The following GGA2 variants were observed in gnomAD, a reference collection of about 807,000 sequenced individuals.
GGA2 encodes the protein ADP-ribosylation factor-binding protein GGA2.
Under a neutral mutation model 79.5 loss-of-function variants are expected in GGA2, and 48 were observed. That is an observed-to-expected ratio of 0.60 (90% confidence interval 0.48 to 0.77). The LOEUF (loss-of-function observed/expected upper bound fraction) is 0.77, where lower values mean the gene tolerates loss of function less well. GGA2 is among the 30% of genes least tolerant of loss of function. The probability of loss-of-function intolerance (pLI) is 0.00; values close to 1 mark genes in which losing one functional copy is unlikely to be tolerated. For synonymous variants in GGA2, 317 were observed against 302.0 expected (o/e 1.05, Z -0.51); for missense variants, 770 against 774.0 (o/e 0.99, Z 0.06).
Position 23,465,095 on chromosome 16 carries a change from C to G in GGA2, c.*2495G>C. 1 of 563,604 alleles carries G rather than the reference C, an allele frequency of 1.8e-6. No homozygotes were observed. Among genetic ancestry groups the G allele is most frequent in the South Asian group, 2.2e-5 (1 of 45,630 alleles). The allele number at this position is 563,604 out of a possible 1,614,324, so 34.9% of individuals were successfully genotyped here. Reference sequence around the variant, plus strand: ...ACACACATCATGAATTTGCTTCTCCCCAGAGGAAAAGAAGCTCCTTCAGGG... The same window carrying G: ...ACACACATCATGAATTTGCTTCTCCGCAGAGGAAAAGAAGCTCCTTCAGGG... On this transcript the variant is annotated 3_prime_UTR_variant, in exon 17 of 17. Transcript: ENST00000309859.
chr16:23,507,966 A>C (rs555197871), intron 1 of GGA2, among the ~76,000 whole-genome samples: 3 of 152,220 alleles, frequency 2.0e-5, no homozygotes, highest in Admixed American at 1.3e-4. Flanking sequence ...TTTCAAAAAA[A>C]GCTGGAGTTG....
At chr16:23,475,533 C>T (rs752637596) in intron 13 of GGA2, among the ~76,000 whole-genome samples, 1 of 151,956 alleles carries the variant, frequency 6.6e-6, no homozygotes, top group Non-Finnish European at 1.5e-5. Context: ...CCTCAGCTTC[C>T]TCATCTGTTA....
At chr16:23,507,038 T>C (rs897000362) in intron 1 of GGA2, among the ~76,000 whole-genome samples, 1 of 152,044 alleles carries the variant, frequency 6.6e-6, no homozygotes, top group African/African-American at 2.4e-5. Flanking sequence ...CCTCTCCTTC[T>C]AATAATCTCC....
chr16:23,515,797 C>CA (rs765242847), intron 2 of GGA2, among the ~76,000 whole-genome samples: 2 of 152,118 alleles, frequency 1.3e-5, no homozygotes, highest in Non-Finnish European at 2.9e-5. Context: ...CCTGGGTCTC[C>CA]AGCTTACACA....
chr16:23,475,271 C>T (rs1350334391), intron 13 of GGA2, among the ~76,000 whole-genome samples: 1 of 150,342 alleles, frequency 6.7e-6, no homozygotes. Context: ...CTCACTGCAA[C>T]CTCTGCCTCC....
rs1234534577 is a variant in GGA2 at position 23,521,792 on chromosome 16, C to T, written c.8+1G>A. 7 of 453,778 alleles carry T rather than the reference C, an allele frequency of 1.5e-5. No homozygotes were observed. The highest frequency in any genetic ancestry group is 3.1e-5 in the Non-Finnish European group (7 of 226,264). 28.1% of individuals were successfully genotyped at this position (453,778 alleles called of 1,614,324 possible). On this transcript the variant is annotated splice_donor_variant, in intron 1 of 5. Transcript: ENST00000569300. LOFTEE classifies it high-confidence loss of function. ...CCACTCACTTTGTTAAAAACACTCA[C>T]TTGACCATGAGCCAAGAAGCTCCTT...
At position 23,480,760 on chromosome 16, in the gene GGA2, G is replaced by C. The variant is rs1258533782; in HGVS notation, c.891C>G (p.Leu297=). 6.2e-7 allele frequency: 1 copy of C among 1,608,830 alleles called. No individual in the cohort carries two copies. Among genetic ancestry groups the C allele is most frequent in the Non-Finnish European group, 8.5e-7 (1 of 1,175,620 alleles). Residue 297 remains leucine (L), a synonymous_variant, in exon 10 of 17, where the codon CTC becomes CTG. Transcript: ENST00000309859. The part of the protein sequence containing the change: ...TDDDDALAEI[L]QANDLLTQGV... ...CTTGGGTGAGGAGGTCATTTGCCTG[G>C]AGAATTTCCGCTGAAGAATGAGGGA...
chr16:23,472,507 GT>G (rs895165168), intron 14 of GGA2, among the ~76,000 whole-genome samples: 2 of 150,764 alleles, frequency 1.3e-5, no homozygotes, highest in Non-Finnish European at 3.0e-5. Context: ...CTGTAGCCCT[GT>G]TTTTAACAGC....
intron 1 of GGA2, among the ~76,000 whole-genome samples, chr16:23,509,071 C>T (rs1425172015): frequency 2.0e-5 from 3 of 152,182 alleles, no homozygotes; most frequent in African/African-American, 7.2e-5. Flanking sequence ...TGCCTGAAGT[C>T]TCACCCTCTC....
chr16:23,476,759 GTA>G (rs1274696494), intron 13 of GGA2, among the ~76,000 whole-genome samples: 1 of 152,172 alleles, frequency 6.6e-6, no homozygotes, highest in Non-Finnish European at 1.5e-5. Flanking sequence ...GCACTTTGTT[GTA>G]TGTTTCTCCA....
intron 13 of GGA2, 110 bp from the exon 14 acceptor site, chr16:23,475,171 G>C (rs1451812619): frequency 2.8e-5 from 15 of 539,208 alleles, no homozygotes; most frequent in East Asian, 1.4e-4. Flanking sequence ...CACACACACA[G>C]AGTTAGATGT....
chr16:23,486,119 C>A lies in GGA2; in HGVS notation c.694G>T (p.Val232Phe), dbSNP rs1358127233. Residue 232 changes from valine to phenylalanine, a missense_variant, in exon 8 of 17, where the codon GTC (valine) becomes TTC (phenylalanine). Physicochemically the swap from Val to Phe is conservative, Grantham distance 50. Coordinates refer to ENST00000309859, the MANE Select transcript of GGA2 (RefSeq NM_015044.4). Reference protein sequence around the residue: ...QEKSEKVSKRVSAVEEVRSHV... With the variant: ...QEKSEKVSKRFSAVEEVRSHV... ...CTTCGCACTTCCTCCACCGCACTGA[C>A]CCTCTTGGACACCTTCTCCGATTTT... 1 of 1,613,738 alleles carries A rather than the reference C, an allele frequency of 6.2e-7. No individual in the cohort carries two copies. The highest frequency in any genetic ancestry group is 8.5e-7 in the Non-Finnish European group (1 of 1,179,730).
At chr16:23,493,979 T>C in intron 3 of GGA2, 1 of 378,180 alleles carries the variant, frequency 2.6e-6, no homozygotes, top group South Asian at 3.7e-5. Flanking sequence ...TGCCAACAGC[T>C]AGTGGGCCCT....
rs940386073 is a variant in GGA2, at chr16:23,510,360, C to T, written c.52G>A (p.Gly18Ser). 4.8e-5 allele frequency: 68 copies of T among 1,431,368 alleles called. No individual in the cohort carries two copies. In the African/African-American group the frequency reaches 9.3e-4, roughly 20 times the overall value. The allele number at this position is 1,431,368 out of a possible 1,614,324, so 88.7% of individuals were successfully genotyped here. ...AGCGACGCTGCCGGGCCCGGGGGAC[C>T]CTGGGCCGACTCGGTTCCCGCCACA... ...AAVAGTESAQGPPGPAASLEL... is the reference protein window; with the variant it reads ...AAVAGTESAQSPPGPAASLEL... Residue 18 changes from glycine (G) to serine (S), a missense_variant, in exon 1 of 17, where the codon GGT (glycine) becomes AGT (serine). Transcript: ENST00000309859.
At chr16:23,517,217 C>T (rs147890124) in intron 2 of GGA2, among the ~76,000 whole-genome samples, 13 of 146,284 alleles carry the variant, frequency 8.9e-5, no homozygotes, top group African/African-American at 3.2e-4. Flanking sequence ...CCACCATGCC[C>T]AGCTAATTTT....
At chr16:23,488,517 C>A (rs1030547801) in intron 6 of GGA2, 89 bp downstream of exon 6, 7 of 814,516 alleles carry the variant, frequency 8.6e-6, no homozygotes, top group South Asian at 5.7e-5. Flanking sequence ...AACCTGCCCC[C>A]CTCCATACTC....
At chr16:23,473,215 A>T (rs1767409932) in intron 14 of GGA2, among the ~76,000 whole-genome samples, 1 of 151,738 alleles carries the variant, frequency 6.6e-6, no homozygotes, top group African/African-American at 2.4e-5. Context: ...GTATCAAATT[A>T]TTAAGAACTG....
chr16:23,493,686 T>A, intron 3 of GGA2: 1 of 509,148 alleles, frequency 2.0e-6, no homozygotes, highest in Non-Finnish European at 3.6e-6. Context: ...GGAAATAGCT[T>A]AGTGAGGTAT....
upstream of GGA2, among the ~76,000 whole-genome samples, chr16:23,513,787 A>T (rs1173338139): frequency 3.0e-4 from 16 of 53,908 alleles, 1 homozygote; most frequent in Admixed American, 2.4e-3. Context: ...CTGTCTCAAA[A>T]AAAAAAAAAA....
Sources: gnomAD v4.1 joint callset for allele counts (sites outside exome capture counted in the v4.1 genomes callset) on GRCh38, gnomAD v4.1.1 for gene constraint, MANE v1.5 for transcripts, NCBI Gene and HGNC (gene_info 2026-07-23, HGNC 2026-07-21) for gene names.